Variants in PTPRZ1 observed in about 807,000 individuals in gnomAD.
PTPRZ1 encodes the protein receptor-type tyrosine-protein phosphatase zeta.
Under a neutral mutation model 214.1 loss-of-function variants are expected in PTPRZ1, and 82 were observed. The observed-to-expected ratio is 0.38, with a 90% CI of 0.32 to 0.46. The LOEUF is 0.46. Among genes scored for constraint, PTPRZ1 ranks in the 20% least tolerant of loss-of-function variants. The probability of loss-of-function intolerance (pLI) is 1.00; values close to 1 mark genes in which losing one functional copy is unlikely to be tolerated. For synonymous variants in PTPRZ1, 945 were observed against 987.9 expected, an observed-to-expected ratio of 0.96 and a Z score of 0.81; for missense variants, 2,603 against 2,748.7, an observed-to-expected ratio of 0.95 and a Z score of 1.19.
chr7:121,886,127 A>T (rs1367855688), intron 1 of PTPRZ1, among the ~76,000 whole-genome samples: 3 of 152,166 alleles, frequency 2.0e-5, no homozygotes, highest in South Asian at 4.1e-4. Context: ...GGGAAAATGC[A>T]CTGAAAATAG....
At chr7:121,993,562 G>A (rs564305604) in intron 8 of PTPRZ1, among the ~76,000 whole-genome samples, 203 of 121,086 alleles carry the variant, frequency 1.7e-3, no homozygotes, top group Non-Finnish European at 2.9e-3. Flanking sequence ...ATGACAGAGC[G>A]AGACTGTCTC....
At chr7:121,987,569 A>G (rs771833618) in intron 8 of PTPRZ1, among the ~76,000 whole-genome samples, 33 of 152,124 alleles carry the variant, frequency 2.2e-4, no homozygotes, top group Non-Finnish European at 3.4e-4. Context: ...CACTAGATGC[A>G]ATGTTTGTTG....
chr7:121,972,833 T>G (rs1797299424), intron 4 of PTPRZ1, 141 bp downstream of exon 4: 7 of 689,300 alleles, frequency 1.0e-5, no homozygotes, highest in Non-Finnish European at 1.5e-5. Context: ...TATACTAGAC[T>G]AAGCTAAATT....
intron 1 of PTPRZ1, among the ~76,000 whole-genome samples, chr7:121,877,755 C>T (rs1030921024): frequency 6.6e-6 from 1 of 152,138 alleles, no homozygotes; most frequent in Non-Finnish European, 1.5e-5. Context: ...GATACTTTTT[C>T]TGTTCACAAC....
At chr7:122,035,958 T>G (rs1221338812) in intron 17 of PTPRZ1, among the ~76,000 whole-genome samples, 2 of 152,226 alleles carry the variant, frequency 1.3e-5, no homozygotes, top group Non-Finnish European at 2.9e-5. Context: ...TTACCAGATT[T>G]TGCATCCATC....
At chr7:121,993,863 A>G (rs984263940) in intron 8 of PTPRZ1, among the ~76,000 whole-genome samples, 2 of 152,124 alleles carry the variant, frequency 1.3e-5, no homozygotes, top group Admixed American at 1.3e-4. Context: ...TTTTCACCAT[A>G]AGAGCCTGTG....
chr7:121,923,175 G>A (rs1195552917), intron 1 of PTPRZ1, among the ~76,000 whole-genome samples: 1 of 152,116 alleles, frequency 6.6e-6, no homozygotes, highest in Admixed American at 6.6e-5. Context: ...GGAACATTCA[G>A]TCCCTTTTCT....
intron 1 of PTPRZ1, among the ~76,000 whole-genome samples, chr7:121,926,057 C>T (rs1795746874): frequency 6.6e-6 from 1 of 152,152 alleles, no homozygotes; most frequent in Admixed American, 6.5e-5. Context: ...GTAATTCCAG[C>T]ACTTTGGGAG....
intron 1 of PTPRZ1, among the ~76,000 whole-genome samples, chr7:121,895,383 G>A (rs995151546): frequency 1.3e-5 from 2 of 152,144 alleles, no homozygotes; most frequent in African/African-American, 4.8e-5. Flanking sequence ...GGGACTTCCA[G>A]GAAGTTGATA....
chr7:121,982,187 A>G (rs1428309844), intron 6 of PTPRZ1, among the ~76,000 whole-genome samples: 1 of 152,176 alleles, frequency 6.6e-6, no homozygotes, highest in Non-Finnish European at 1.5e-5. Flanking sequence ...TTTTTCTATC[A>G]TAGATCAAAT....
rs371531628 is a variant in PTPRZ1 at position 122,053,873 on chromosome 7, C to T, written c.6253-37C>T. On this transcript the variant is annotated intron_variant, in intron 25 of 29. Transcript: ENST00000393386. ...GCTTATCTGAATGTTTAAAGGCATA[C>T]GCCAGTGCTGTTTTTGTCTTCTCTT... The T allele has an allele frequency of 3.1e-4, 506 of 1,608,640 alleles. 1 individual carries two copies. The highest frequency in any genetic ancestry group is 3.9e-4 in the Non-Finnish European group (460 of 1,177,352).
chr7:121,879,406 C>T (rs1794163112), intron 1 of PTPRZ1, among the ~76,000 whole-genome samples: 1 of 152,066 alleles, frequency 6.6e-6, no homozygotes, highest in South Asian at 2.1e-4. Flanking sequence ...ATCTTGAGCC[C>T]ATGAACACTG....
chr7:121,873,295 C>G lies in PTPRZ1; in HGVS notation c.-205C>G. On this transcript the variant is annotated 5_prime_UTR_variant, in exon 1 of 30. Transcript: ENST00000393386. ...TTCCTCTCTCGCTGTCTCTGACTGT[C>G]TCTCTCTGTCTCTGTCTCTGTCTCT... 5 of 523,470 alleles carry G rather than the reference C, an allele frequency of 9.6e-6. No individual in the cohort carries two copies. The highest frequency in any genetic ancestry group is 1.3e-5 in the Non-Finnish European group (4 of 297,016). 32.4% of individuals were successfully genotyped at this position (523,470 alleles called of 1,614,324 possible).
intron 12 of PTPRZ1, among the ~76,000 whole-genome samples, chr7:122,016,787 C>T (rs979899346): frequency 3.3e-5 from 5 of 151,394 alleles, no homozygotes; most frequent in African/African-American, 1.2e-4. Context: ...TACCCATATA[C>T]ATGTTGCTTT....
At chr7:121,877,646 C>T (rs1794101805) in intron 1 of PTPRZ1, among the ~76,000 whole-genome samples, 1 of 152,160 alleles carries the variant, frequency 6.6e-6, no homozygotes. Flanking sequence ...GATAATTCAG[C>T]TATGCATCAA....
At chr7:121,989,791 T>G (rs1562847903) in intron 8 of PTPRZ1, among the ~76,000 whole-genome samples, 1 of 152,166 alleles carries the variant, frequency 6.6e-6, no homozygotes, top group Admixed American at 6.5e-5. Flanking sequence ...AAAATTTTTA[T>G]TACATGAAAT....
At chr7:122,024,394 G>C (rs1195064813) in intron 13 of PTPRZ1, among the ~76,000 whole-genome samples, 1 of 152,046 alleles carries the variant, frequency 6.6e-6, no homozygotes, top group African/African-American at 2.4e-5. Flanking sequence ...GGGGTAGGGA[G>C]ATGAAAAGCA....
At chr7:121,905,887 T>C (rs1027186028) in intron 1 of PTPRZ1, among the ~76,000 whole-genome samples, 1 of 152,190 alleles carries the variant, frequency 6.6e-6, no homozygotes, top group African/African-American at 2.4e-5. Context: ...GGTATCCCTT[T>C]CCTGGGTTTT....
chr7:121,936,204 T>A (rs1221555713), intron 2 of PTPRZ1, among the ~76,000 whole-genome samples: 1 of 152,144 alleles, frequency 6.6e-6, no homozygotes. Context: ...AAAATCATTA[T>A]CAAGGAGCAA....
Sources: allele counts gnomAD v4.1 joint callset (sites outside exome capture counted in the v4.1 genomes callset), GRCh38; gene constraint gnomAD v4.1.1; transcripts MANE v1.5; gene names NCBI Gene and HGNC (gene_info 2026-07-23, HGNC 2026-07-21).